Variants in LIMA1 observed in about 807,000 individuals in gnomAD.
LIMA1 encodes LIM domain and actin binding 1, also known as LIM domain and actin-binding protein 1.
Under a neutral mutation model 62.6 loss-of-function variants are expected in LIMA1, and 52 were observed. That is an observed-to-expected ratio of 0.83 (90% CI 0.67 to 1.05). The LOEUF (loss-of-function observed/expected upper bound fraction) is 1.05. LIMA1 is among the 50% of genes least tolerant of loss of function. The pLI is 0.00. For synonymous variants in LIMA1, 302 were observed against 317.8 expected (o/e 0.95, Z 0.53); for missense variants, 780 against 902.2 (o/e 0.86, Z 1.74).
intron 9 of LIMA1, chr12:50,187,231 G>A (rs1296883324): frequency 6.6e-6 from 1 of 152,082 alleles, no homozygotes; most frequent in Non-Finnish European, 1.5e-5. Context: ...CTCTAATAAA[G>A]GCCCCAGTTG....
At chr12:50,275,413 G>A (rs760867630) in intron 1 of LIMA1, among the ~76,000 whole-genome samples, 39 of 151,858 alleles carry the variant, frequency 2.6e-4, no homozygotes, top group Non-Finnish European at 4.7e-4. Flanking sequence ...TGTGCATAAT[G>A]GCCACAAAAT....
At chr12:50,219,025 A>G (rs1941399045) in intron 4 of LIMA1, among the ~76,000 whole-genome samples, 1 of 152,238 alleles carries the variant, frequency 6.6e-6, no homozygotes, top group Non-Finnish European at 1.5e-5. Context: ...TCATTTCAAA[A>G]AGTATAAACA....
chr12:50,200,669 A>C, intron 7 of LIMA1, 108 bp downstream of exon 7: 1 of 1,275,250 alleles, frequency 7.8e-7, no homozygotes, highest in Non-Finnish European at 1.1e-6. Context: ...AGCTGTTACC[A>C]AATTCCCAGA....
intron 4 of LIMA1, among the ~76,000 whole-genome samples, chr12:50,208,409 C>T: frequency 6.6e-6 from 1 of 152,156 alleles, no homozygotes; most frequent in Non-Finnish European, 1.5e-5. Flanking sequence ...TCGCTTGAAC[C>T]CAGGAGGCGG....
chr12:50,274,951 A>G (rs1289826224), intron 1 of LIMA1, among the ~76,000 whole-genome samples: 1 of 152,228 alleles, frequency 6.6e-6, no homozygotes, highest in African/African-American at 2.4e-5. Flanking sequence ...GTCAGATTAA[A>G]TACGGATTAA....
chr12:50,227,749 C>A (rs1333631415), intron 3 of LIMA1, among the ~76,000 whole-genome samples: 2 of 152,130 alleles, frequency 1.3e-5, no homozygotes, highest in Admixed American at 1.3e-4. Context: ...TTGAGTCAGG[C>A]ACTGCCTCTT....
At chr12:50,193,510 TATATGATATATATACAC>T (rs1295914734) in intron 8 of LIMA1, among the ~76,000 whole-genome samples, 1 of 140,520 alleles carries the variant, frequency 7.1e-6, no homozygotes, top group Non-Finnish European at 1.5e-5. Context: ...TATATGTGTA[TATATGATATATATACAC>T]ATATATGATA....
intron 2 of LIMA1, among the ~76,000 whole-genome samples, chr12:50,242,361 GT>G (rs922030578): frequency 6.0e-4 from 86 of 143,424 alleles, no homozygotes; most frequent in Non-Finnish European, 5.7e-4. Flanking sequence ...AACGCTCTTT[GT>G]TTTTTTTTTT....
intron 4 of LIMA1, among the ~76,000 whole-genome samples, chr12:50,217,093 T>C (rs1296725619): frequency 6.6e-6 from 1 of 151,820 alleles, no homozygotes; most frequent in Non-Finnish European, 1.5e-5. Context: ...CTTTTCTTCT[T>C]GAATTTATAA....
intron 6 of LIMA1, among the ~76,000 whole-genome samples, chr12:50,202,498 T>G (rs1373928377): frequency 6.6e-6 from 1 of 152,182 alleles, no homozygotes; most frequent in African/African-American, 2.4e-5. Flanking sequence ...AAGAGGAAGT[T>G]CAGCTTCGCA....
chr12:50,205,912 T>C, intron 5 of LIMA1, 72 bp downstream of exon 5: 1 of 1,085,912 alleles, frequency 9.2e-7, no homozygotes, highest in African/African-American at 1.6e-5. Context: ...AGCATTGGCT[T>C]CGAGTCCAAA....
chr12:50,283,179 T>TAGC (rs1942360581), intron 1 of LIMA1, among the ~76,000 whole-genome samples: 1 of 151,398 alleles, frequency 6.6e-6, no homozygotes, highest in African/African-American at 2.4e-5. Flanking sequence ...GAGGACGGGG[T>TAGC]ATTTGCAGCT....
At chr12:50,188,037 T>C (rs967382379) in intron 9 of LIMA1, 1 of 152,212 alleles carries the variant, frequency 6.6e-6, no homozygotes, top group Non-Finnish European at 1.5e-5. Flanking sequence ...TGTAACTTCA[T>C]TGGTACCAAG....
intron 1 of LIMA1, among the ~76,000 whole-genome samples, chr12:50,280,331 T>C (rs1485801732): frequency 6.6e-6 from 1 of 151,974 alleles, no homozygotes; most frequent in Non-Finnish European, 1.5e-5. Context: ...ATTTTGTTTT[T>C]GTATTTTTAG....
intron 4 of LIMA1, among the ~76,000 whole-genome samples, chr12:50,209,298 G>C (rs1049051723): frequency 1.3e-5 from 2 of 151,666 alleles, no homozygotes; most frequent in African/African-American, 4.8e-5. Context: ...GGTTGGGTGC[G>C]GTGGCTCACA....
intron 2 of LIMA1, among the ~76,000 whole-genome samples, chr12:50,244,306 C>A (rs1201429340): frequency 6.6e-6 from 1 of 151,976 alleles, no homozygotes; most frequent in Non-Finnish European, 1.5e-5. Flanking sequence ...GGTTTCACCA[C>A]GTTGGCCAGG....
rs140587494 is a variant in LIMA1, at chr12:50,195,503, G to A, written c.1030+327C>T. ...ATAACATTATAAATGAATAAAATCCGTATTGGCCAAACTTCTGTTAAAATG... is the reference window on the plus strand; with the variant it reads ...ATAACATTATAAATGAATAAAATCCATATTGGCCAAACTTCTGTTAAAATG... On this transcript the variant is annotated intron_variant, in intron 8 of 10. Transcript: ENST00000341247. The A allele has an allele frequency of 2.8e-3, 576 of 207,534 alleles. 6 individuals are homozygous for A. Among genetic ancestry groups the A allele is most frequent in the African/African-American group, 0.012 (516 of 43,556 alleles). 12.9% of individuals were successfully genotyped at this position (207,534 alleles called of 1,614,324 possible).
At chr12:50,232,356 C>T (rs1295331479) in intron 2 of LIMA1, among the ~76,000 whole-genome samples, 2 of 151,328 alleles carry the variant, frequency 1.3e-5, no homozygotes, top group Non-Finnish European at 2.9e-5. Flanking sequence ...GCCACCAGCC[C>T]GGCTACTTTC....
intron 1 of LIMA1, chr12:50,256,288 A>G (rs1941996701): frequency 6.6e-6 from 1 of 152,006 alleles, no homozygotes; most frequent in African/African-American, 2.4e-5. Flanking sequence ...CACAGGGACC[A>G]TGCTAATCTT....
Sources: gnomAD v4.1 joint callset for allele counts (sites outside exome capture counted in the v4.1 genomes callset) on GRCh38, gnomAD v4.1.1 for gene constraint, MANE v1.5 for transcripts, NCBI Gene and HGNC (gene_info 2026-07-23, HGNC 2026-07-21) for gene names.